Variants in NIN observed in about 807,000 individuals in gnomAD.
The protein encoded by NIN is ninein.
Under a neutral mutation model 257.6 loss-of-function variants are expected in NIN, and 137 were observed. The ratio of observed to expected loss-of-function variants is 0.53; its 90% CI spans 0.46 to 0.61. The LOEUF is 0.61. Ranked by LOEUF, NIN falls within the 20% of genes least tolerant of loss-of-function variation. The pLI, the probability that NIN is intolerant of heterozygous loss-of-function variation, is 0.00. For synonymous variants in NIN, 918 were observed against 919.8 expected (o/e 1.00, Z 0.04); for missense variants, 2,439 against 2,501.2 (o/e 0.98, Z 0.53).
In NIN at chr14:50,757,237, C is replaced by A. The variant is rs2042069732; in HGVS notation, c.3793G>T (p.Glu1265Ter). ...TAGCGTGTCTCCATCATTCTCAGCT[C>A]TTCCTGAAGGCAGTCATTTTCTCGG... ...VSRENDCLQE[E>*]LRMMETRYDE... is the part of the protein sequence containing the mutation. The change falls in exon 18 of 31, where the codon GAG becomes TAG. Residue 1265 changes from glutamate (E) to a stop codon, truncating the protein, a stop_gained. Coordinates refer to ENST00000530997, the MANE Select transcript of NIN (RefSeq NM_020921.4). LOFTEE classifies it high-confidence loss of function. The A allele has an allele frequency of 2.5e-6, 4 of 1,614,136 alleles. No individual in the cohort carries two copies. Among genetic ancestry groups the A allele is most frequent in the Admixed American group, 1.7e-5 (1 of 60,020 alleles).
intron 2 of NIN, among the ~76,000 whole-genome samples, chr14:50,824,834 A>C (rs1449281780): frequency 1.3e-5 from 2 of 152,106 alleles, no homozygotes; most frequent in Non-Finnish European, 2.9e-5. Context: ...CACTTCCCCC[A>C]TCCCACCCTT....
intron 4 of NIN, chr14:50,794,538 G>A: frequency 1.1e-6 from 1 of 933,394 alleles, no homozygotes; most frequent in South Asian, 5.0e-5. Context: ...AGTCAGATAA[G>A]AGGCAATGCA....
chr14:50,735,644 T>C, intron 27 of NIN, 27 bp from the exon 28 acceptor site: 1 of 1,591,924 alleles, frequency 6.3e-7, no homozygotes, highest in Non-Finnish European at 8.5e-7. Flanking sequence ...AAATATTCCC[T>C]TGAAACAGAA....
chr14:50,783,542 A>G (rs574515744), intron 5 of NIN, among the ~76,000 whole-genome samples: 1 of 150,794 alleles, frequency 6.6e-6, no homozygotes, highest in South Asian at 2.1e-4. Flanking sequence ...CACAGATAGG[A>G]GGTATTCTGT....
chr14:50,799,179 G>C (rs1356760159), intron 4 of NIN, among the ~76,000 whole-genome samples: 2 of 152,208 alleles, frequency 1.3e-5, no homozygotes, highest in African/African-American at 4.8e-5. Context: ...AACGGACCTG[G>C]ACCTGGACAC....
intron 4 of NIN, among the ~76,000 whole-genome samples, chr14:50,798,873 G>A (rs1352765656): frequency 6.6e-6 from 1 of 152,200 alleles, no homozygotes; most frequent in Non-Finnish European, 1.5e-5. Flanking sequence ...CCACCTCCCA[G>A]GTTCAAGCGA....
At position 50,720,603 on chromosome 14, in the gene NIN, C is replaced by G. The variant is rs574173053; in HGVS notation, c.*2860G>C. On this transcript the variant is annotated 3_prime_UTR_variant, in exon 31 of 31. Transcript: ENST00000530997. ...CTAAATATGCAATGCATTGAAATTT[C>G]TGGGAAGAATTCACATTTAAAACAG... 1 of 207,180 alleles carries G rather than the reference C, an allele frequency of 4.8e-6. No individual in the cohort carries two copies. Among genetic ancestry groups the G allele is most frequent in the East Asian group, 7.4e-5 (1 of 13,564 alleles). 12.8% of individuals were successfully genotyped at this position (207,180 alleles called of 1,614,324 possible).
At chr14:50,744,008 TAAGA>T (rs911101112) in intron 23 of NIN, among the ~76,000 whole-genome samples, 5 of 152,236 alleles carry the variant, frequency 3.3e-5, no homozygotes, top group African/African-American at 1.2e-4. Context: ...TGTGATGTGA[TAAGA>T]AACATTTTGT....
Position 50,760,366 on chromosome 14 carries a change from GCA to G in NIN, c.1897-9_1897-8del, listed in dbSNP as rs775659135. The stretch of plus-strand genomic sequence containing the variant: ...GCTTTTCATAATGGCGCACCTGAAG[GCA>G]CAGAGTGACACCACCACAAGATTAC... On this transcript the variant is annotated splice_polypyrimidine_tract_variant and splice_region_variant and intron_variant, in intron 16 of 30. Transcript: ENST00000530997. 5.4e-5 allele frequency: 86 copies of G among 1,596,840 alleles called. 2 individuals are homozygous for G. The South Asian group carries it at 5.7e-4, about 11-fold the overall frequency.
Position 50,735,545 on chromosome 14 carries a change from G to GT in NIN, c.5847dup (p.Gln1950ThrfsTer6). 1 of 1,613,012 alleles carries GT rather than the reference G, an allele frequency of 6.2e-7. No individual in the cohort carries two copies. Among genetic ancestry groups the GT allele is most frequent in the Non-Finnish European group, 8.5e-7 (1 of 1,179,936 alleles). On this transcript the variant is annotated frameshift_variant, in exon 28 of 31. Coordinates refer to ENST00000530997, the MANE Select transcript of NIN (RefSeq NM_020921.4). LOFTEE classifies it high-confidence loss of function. ...ATGAGCTGCTCATCCAGTTTTACTT[G>GT]TTTCTTTTTCAGGCCTTCATTTTCC...
At chr14:50,734,630 C>G (rs117641136) in intron 28 of NIN, among the ~76,000 whole-genome samples, 144 of 152,280 alleles carry the variant, frequency 9.5e-4, no homozygotes, top group Middle Eastern at 3.4e-3. Flanking sequence ...ATCTAGAAGA[C>G]TGGAACTCAA....
chr14:50,778,326 T>TTA (rs1344453857), intron 6 of NIN, among the ~76,000 whole-genome samples: 3 of 152,080 alleles, frequency 2.0e-5, no homozygotes, highest in African/African-American at 7.2e-5. Context: ...GACAGGCATG[T>TTA]GCTACCACAC....
chr14:50,814,280 T>C (rs61534148), intron 3 of NIN, among the ~76,000 whole-genome samples: 2,439 of 152,320 alleles, frequency 0.016, 77 homozygotes, highest in African/African-American at 0.056. Context: ...AGAGAACTTC[T>C]AGCAAATCTA....
At chr14:50,810,104 G>A (rs2044518007) in intron 3 of NIN, among the ~76,000 whole-genome samples, 2 of 152,014 alleles carry the variant, frequency 1.3e-5, no homozygotes, top group South Asian at 2.1e-4. Flanking sequence ...GGTGGCGGGC[G>A]CCTGTAGTCC....
At chr14:50,741,942 G>A in intron 24 of NIN, 1 of 485,852 alleles carries the variant, frequency 2.1e-6, no homozygotes, top group Non-Finnish European at 3.6e-6. Context: ...AACTATGTCT[G>A]GAGCAAGGTA....
At chr14:50,767,659 T>C (rs553705752) in intron 12 of NIN, among the ~76,000 whole-genome samples, 2 of 151,954 alleles carry the variant, frequency 1.3e-5, no homozygotes, top group Admixed American at 6.5e-5. Context: ...CTACTAAAAA[T>C]ACAAAAAATT....
At chr14:50,776,423 C>G (rs1469832047) in intron 7 of NIN, among the ~76,000 whole-genome samples, 2 of 152,196 alleles carry the variant, frequency 1.3e-5, no homozygotes, top group Non-Finnish European at 2.9e-5. Context: ...ACCCAAGGCT[C>G]TCTTCATGCT....
intron 17 of NIN, 90 bp downstream of exon 17, chr14:50,759,767 G>A (rs1239497033): frequency 1.6e-5 from 23 of 1,394,226 alleles, no homozygotes; most frequent in Non-Finnish European, 2.2e-5. Flanking sequence ...GGGATTACAG[G>A]CGTGAGCCAC....
chr14:50,809,531 G>A (rs2044484847), intron 3 of NIN, among the ~76,000 whole-genome samples: 1 of 152,186 alleles, frequency 6.6e-6, no homozygotes, highest in Non-Finnish European at 1.5e-5. Flanking sequence ...CAAAAGGAAG[G>A]TGTTTGGAAG....
Sources: allele counts gnomAD v4.1 joint callset (sites outside exome capture counted in the v4.1 genomes callset), GRCh38; gene constraint gnomAD v4.1.1; transcripts MANE v1.5; gene names NCBI Gene and HGNC (gene_info 2026-07-23, HGNC 2026-07-21).